GREB1L: variants seen among roughly 807,000 people sequenced by gnomAD.
GREB1L encodes the protein GREB1 like retinoic acid receptor coactivator, also known as GREB1-like protein.
GREB1L carries 17 observed loss-of-function variants against 200.8 expected under a neutral mutation model. The ratio of observed to expected loss-of-function variants is 0.08; its 90% confidence interval spans 0.06 to 0.13. GREB1L has a LOEUF of 0.13. Ranked by LOEUF, GREB1L falls within the 10% of genes least tolerant of loss-of-function variation. GREB1L has a pLI of 1.00. For synonymous variants in GREB1L, 789 were observed against 893.0 expected, an observed-to-expected ratio of 0.88 and a Z score of 2.08; for missense variants, 1,657 against 2,367.7, an observed-to-expected ratio of 0.70 and a Z score of 6.23.
chr18:21,277,719 C>G (rs532497366), intron 1 of GREB1L, among the ~76,000 whole-genome samples: 8 of 152,212 alleles, frequency 5.3e-5, no homozygotes, highest in African/African-American at 1.9e-4. Context: ...TCCCTGTCAC[C>G]CCTGTCATGC....
intron 1 of GREB1L, among the ~76,000 whole-genome samples, chr18:21,356,686 C>A (rs1450397019): frequency 6.6e-6 from 1 of 152,308 alleles, no homozygotes; most frequent in South Asian, 2.1e-4. Context: ...TGGATACATA[C>A]CCAGTAGTGG....
At chr18:21,421,534 ATT>A (rs1203904726) in intron 7 of GREB1L, among the ~76,000 whole-genome samples, 2 of 152,198 alleles carry the variant, frequency 1.3e-5, no homozygotes, top group East Asian at 3.8e-4. Flanking sequence ...AAAGAAGCAA[ATT>A]ATAGTCTACA....
At chr18:21,492,122 G>A (rs1347717404) in intron 19 of GREB1L, among the ~76,000 whole-genome samples, 2 of 151,870 alleles carry the variant, frequency 1.3e-5, no homozygotes, top group Admixed American at 1.3e-4. Context: ...CGAGGCGGGC[G>A]GATCACAAGG....
At chr18:21,400,976 TATAAA>T in intron 5 of GREB1L, among the ~76,000 whole-genome samples, 169 bp from the exon 6 acceptor site, 1 of 152,364 alleles carries the variant, frequency 6.6e-6, no homozygotes, top group East Asian at 1.9e-4. Flanking sequence ...CTTTCACTGT[TATAAA>T]ATAACTCTGC....
intron 1 of GREB1L, among the ~76,000 whole-genome samples, chr18:21,320,774 A>T (rs2038939283): frequency 2.0e-5 from 3 of 151,978 alleles, no homozygotes; most frequent in Non-Finnish European, 4.4e-5. Flanking sequence ...AAAAAAAAAA[A>T]AAGAAAAAAC....
At chr18:21,494,299 A>G (rs1015785720) in intron 19 of GREB1L, among the ~76,000 whole-genome samples, 1 of 152,226 alleles carries the variant, frequency 6.6e-6, no homozygotes, top group Non-Finnish European at 1.5e-5. Flanking sequence ...CAACAAGTAA[A>G]AGCCTAAGAA....
rs866280322 is a variant in GREB1L, at chr18:21,525,028, C to A, written c.*2207C>A. The A allele has an allele frequency of 8.2e-5, 3 of 36,412 alleles. No individual in the cohort carries two copies. The highest frequency in any genetic ancestry group is 1.3e-4 in the Non-Finnish European group (1 of 7,610). 2.3% of individuals were successfully genotyped at this position (36,412 alleles called of 1,614,324 possible). On this transcript the variant is annotated 3_prime_UTR_variant, in exon 33 of 33. Coordinates refer to ENST00000424526, the MANE Select transcript of GREB1L (RefSeq NM_001142966.3). ...GATTTGTGTGTATATATATATATATCCTAGTGTGTTCAGCTTTAAGCTTTG... is the reference window on the plus strand; with the variant it reads ...GATTTGTGTGTATATATATATATATACTAGTGTGTTCAGCTTTAAGCTTTG...
chr18:21,390,041 A>G (rs1247423038), intron 4 of GREB1L, among the ~76,000 whole-genome samples: 1 of 152,158 alleles, frequency 6.6e-6, no homozygotes, highest in Non-Finnish European at 1.5e-5. Flanking sequence ...CATATATGAC[A>G]TTGGTCCTGT....
chr18:21,316,759 C>CTTTTTTTTT, intron 1 of GREB1L: 1 of 113,106 alleles, frequency 8.8e-6, no homozygotes, highest in Non-Finnish European at 1.8e-5. Flanking sequence ...ATGACTATGT[C>CTTTTTTTTT]TTTTTTTTTT....
At chr18:21,323,947 CACTT>C (rs760771484) in intron 1 of GREB1L, among the ~76,000 whole-genome samples, 1 of 152,122 alleles carries the variant, frequency 6.6e-6, no homozygotes, top group Non-Finnish European at 1.5e-5. Context: ...AGCGTGTACT[CACTT>C]ACAAGTGGAA....
At chr18:21,486,878 G>T (rs992412255) in intron 18 of GREB1L, among the ~76,000 whole-genome samples, 77 of 152,170 alleles carry the variant, frequency 5.1e-4, no homozygotes, top group African/African-American at 1.7e-3. Context: ...GGCTTTAATT[G>T]ATCATATTAT....
chr18:21,493,793 G>A (rs1030460888), intron 19 of GREB1L, among the ~76,000 whole-genome samples: 1 of 146,672 alleles, frequency 6.8e-6, no homozygotes. Context: ...TTGAACCCGG[G>A]AGGTGGAGGT....
Position 21,464,591 on chromosome 18 carries a change from C to CA in GREB1L, c.2183-8437dup, listed in dbSNP as rs1010074885. On this transcript the variant is annotated intron_variant, in intron 15 of 32. Transcript: ENST00000424526. ...CAGGGAACAAATATTCACAAAGTCT[C>CA]AAAGTATCATCCCATGGATCAAAAG... Among the ~76,000 whole-genome samples the CA allele has an allele frequency of 3.4e-5, 5 of 148,116 alleles. No homozygotes were observed. In the Admixed American group the frequency reaches 3.4e-4, roughly 10 times the overall value.
intron 4 of GREB1L, chr18:21,387,673 G>GT (rs1378896078): frequency 3.3e-5 from 5 of 152,020 alleles, no homozygotes; most frequent in Admixed American, 6.5e-5. Context: ...GTTTTGTTTT[G>GT]TTTTTTCATT....
At chr18:21,288,082 C>T (rs188342121) in intron 1 of GREB1L, among the ~76,000 whole-genome samples, 39 of 152,110 alleles carry the variant, frequency 2.6e-4, no homozygotes, top group Admixed American at 5.9e-4. Context: ...GGATTACAGG[C>T]GTGAGCCACA....
chr18:21,350,398 C>T (rs1283575785), intron 1 of GREB1L, among the ~76,000 whole-genome samples: 4 of 151,726 alleles, frequency 2.6e-5, no homozygotes, highest in African/African-American at 4.8e-5. Flanking sequence ...TCAACACACC[C>T]GGCTAATTTT....
intron 10 of GREB1L, among the ~76,000 whole-genome samples, chr18:21,443,086 T>C (rs1313877105): frequency 6.6e-6 from 1 of 152,058 alleles, no homozygotes; most frequent in East Asian, 1.9e-4. Context: ...GTATTTTTAG[T>C]AGAGATGGGG....
chr18:21,376,459 AG>A (rs1338851963), intron 2 of GREB1L, among the ~76,000 whole-genome samples: 8 of 149,886 alleles, frequency 5.3e-5, no homozygotes, highest in Non-Finnish European at 1.2e-4. Context: ...CAAAGAACTG[AG>A]GGGCCCAAAA....
chr18:21,495,339 A>C (rs1311886969), intron 19 of GREB1L, among the ~76,000 whole-genome samples: 1 of 152,186 alleles, frequency 6.6e-6, no homozygotes, highest in Non-Finnish European at 1.5e-5. Flanking sequence ...AAGTGCCTGG[A>C]TTCAGGTAGT....
Sources: allele counts gnomAD v4.1 joint callset (sites outside exome capture counted in the v4.1 genomes callset), GRCh38; gene constraint gnomAD v4.1.1; transcripts MANE v1.5; gene names NCBI Gene and HGNC (gene_info 2026-07-23, HGNC 2026-07-21).